The following DBF4B variants were observed in gnomAD, a reference collection of about 807,000 sequenced individuals.
DBF4B encodes the protein DBF4B-CDC7 kinase regulatory subunit.
In DBF4B, 49 loss-of-function variants were observed where a neutral mutation model predicts 53.4. That is an observed-to-expected ratio of 0.92 (90% CI 0.73 to 1.16). The LOEUF is 1.16. Ranked by LOEUF, DBF4B falls within the 50% of genes most tolerant of loss-of-function variation. DBF4B has a pLI of 0.00. For missense variants in DBF4B, 692 were observed against 775.0 expected, an observed-to-expected ratio of 0.89 and a Z score of 1.27; for synonymous variants, 257 against 288.7, an observed-to-expected ratio of 0.89 and a Z score of 1.11.
intron 3 of DBF4B, among the ~76,000 whole-genome samples, 177 bp from the exon 4 acceptor site, chr17:44,729,728 C>CA (rs1190920013): frequency 1.9e-3 from 240 of 126,168 alleles, no homozygotes; most frequent in African/African-American, 6.0e-3. Context: ...ACACACACAC[C>CA]CCATTAGATT....
rs1185470166 is a variant in DBF4B at position 44,708,847 on chromosome 17, T to A, written c.19+8T>A. 2 of 1,550,572 alleles carry A rather than the reference T, an allele frequency of 1.3e-6. No homozygotes were observed. The highest frequency in any genetic ancestry group is 4.9e-5 in the East Asian group (2 of 40,902). On this transcript the variant is annotated splice_region_variant and intron_variant, in intron 1 of 13. Transcript: ENST00000315005. ...TGAGCGAACCGGGAAAGGGTACGGA[T>A]GCCGGGAAGGGGAGAAAGAAAGGCG...
At chr17:44,727,130 T>C (rs934192084) in intron 3 of DBF4B, among the ~76,000 whole-genome samples, 2 of 129,618 alleles carry the variant, frequency 1.5e-5, no homozygotes, top group African/African-American at 5.8e-5. Flanking sequence ...AAACCATATA[T>C]ATATTTAGGC....
chr17:44,742,759 C>T (rs1485639032), intron 10 of DBF4B, among the ~76,000 whole-genome samples: 1 of 152,126 alleles, frequency 6.6e-6, no homozygotes, highest in Non-Finnish European at 1.5e-5. Flanking sequence ...CATTACGTGG[C>T]TCATGGCTTG....
intron 3 of DBF4B, among the ~76,000 whole-genome samples, chr17:44,728,759 G>T (rs1350728180): frequency 6.6e-6 from 1 of 151,724 alleles, no homozygotes; most frequent in Non-Finnish European, 1.5e-5. Flanking sequence ...GGAGGTTGCA[G>T]TGAGCTGAGA....
At chr17:44,741,705 T>C (rs145373807) in intron 10 of DBF4B, among the ~76,000 whole-genome samples, 1 of 152,290 alleles carries the variant, frequency 6.6e-6, no homozygotes, top group East Asian at 1.9e-4. Context: ...CCCTTCTCCT[T>C]AAGGGTCGAA....
chr17:44,750,631 C>T lies in DBF4B; in HGVS notation c.1226C>T (p.Thr409Ile). ...AGGGCTGCGGGCCAGCAGCGATGGA[C>T]AGAATCACTAGATGGTGTGATGGGA... ...QGRAAGQQRWTESLDGVMGPP... is the reference protein window; with the variant it reads ...QGRAAGQQRWIESLDGVMGPP... Residue 409 changes from threonine (T) to isoleucine (I), a missense_variant, in exon 14 of 14, where the codon ACA (threonine) becomes ATA (isoleucine). Physicochemically the swap from Thr to Ile is moderately conservative, Grantham distance 89 (BLOSUM62 -1). Coordinates refer to ENST00000315005, the MANE Select transcript of DBF4B (RefSeq NM_145663.3). The T allele has an allele frequency of 6.2e-7, 1 of 1,613,802 alleles. No individual in the cohort carries two copies. The highest frequency in any genetic ancestry group is 1.1e-5 in the South Asian group (1 of 91,060).
In DBF4B at chr17:44,708,859, GAGAA is replaced by G; in HGVS notation, c.19+27_19+30del. 6.4e-7 allele frequency: 1 copy of G among 1,551,070 alleles called. No homozygotes were observed. The highest frequency in any genetic ancestry group is 8.7e-7 in the Non-Finnish European group (1 of 1,146,800). ...GAAAGGGTACGGATGCCGGGAAGGG[GAGAA>G]AGAAAGGCGGAAGGGGTCGTTAATA... On this transcript the variant is annotated intron_variant, in intron 1 of 13. Transcript: ENST00000315005.
At chr17:44,730,696 G>C (rs904954510) in intron 4 of DBF4B, among the ~76,000 whole-genome samples, 1 of 152,184 alleles carries the variant, frequency 6.6e-6, no homozygotes, top group African/African-American at 2.4e-5. Flanking sequence ...CAGGACATTT[G>C]TAACAATTGG....
chr17:44,711,339 C>T (rs1186412365), intron 2 of DBF4B, among the ~76,000 whole-genome samples: 1 of 151,744 alleles, frequency 6.6e-6, no homozygotes, highest in Non-Finnish European at 1.5e-5. Flanking sequence ...GAGACAAGAA[C>T]TTGCTCTGTT....
chr17:44,729,204 T>G (rs1974603699), intron 3 of DBF4B, among the ~76,000 whole-genome samples: 1 of 150,752 alleles, frequency 6.6e-6, no homozygotes, highest in Non-Finnish European at 1.5e-5. Context: ...CATTTTAGCC[T>G]TTTTTTTTCT....
At chr17:44,711,191 G>C (rs530653537) in intron 2 of DBF4B, among the ~76,000 whole-genome samples, 15 of 151,766 alleles carry the variant, frequency 9.9e-5, no homozygotes, top group African/African-American at 3.4e-4. Context: ...CCACCATGTT[G>C]GTCAGGCTAG....
chr17:44,717,741 G>A (rs563369602), intron 2 of DBF4B, among the ~76,000 whole-genome samples: 92 of 151,430 alleles, frequency 6.1e-4, no homozygotes, highest in African/African-American at 2.2e-3. Flanking sequence ...GGGGCTAGGC[G>A]TGTTGGCTCA....
chr17:44,709,212 T>C, intron 1 of DBF4B, 92 bp from the exon 2 acceptor site: 1 of 1,525,048 alleles, frequency 6.6e-7, no homozygotes, highest in Non-Finnish European at 9.1e-7. Flanking sequence ...GTCGCGTTTC[T>C]GTGCGCGTTT....
chr17:44,730,170 C>A lies in DBF4B; in HGVS notation c.417+74C>A, dbSNP rs1974712614. 4 of 1,465,500 alleles carry A rather than the reference C, an allele frequency of 2.7e-6. No homozygotes were observed. The African/African-American group carries it at 4.3e-5, about 16-fold the overall frequency. The allele number at this position is 1,465,500 out of a possible 1,614,324, so 90.8% of individuals were successfully genotyped here. On this transcript the variant is annotated intron_variant, in intron 4 of 13. Transcript: ENST00000315005. ...GCTTTGGTGAGCCTTTTAAGGCAGTCTCTGGTTTTAATTTCATCTGGATTA... is the reference window on the plus strand; with the variant it reads ...GCTTTGGTGAGCCTTTTAAGGCAGTATCTGGTTTTAATTTCATCTGGATTA...
chr17:44,749,043 G>A lies in DBF4B; in HGVS notation c.1189+578G>A, dbSNP rs550359002. The A allele has an allele frequency of 5.2e-5, 67 of 1,289,808 alleles. 1 individual carries two copies. Among genetic ancestry groups the A allele is most frequent in the South Asian group, 4.7e-4 (38 of 81,036 alleles). 79.9% of individuals were successfully genotyped at this position (1,289,808 alleles called of 1,614,324 possible). A position where few individuals can be genotyped will look rare whatever the true frequency, so the allele number is the denominator to read the frequency against. The stretch of plus-strand genomic sequence containing the variant: ...GTACAGCCACTGGCCCTGTATCCCA[G>A]GAGGCTGGCCAGCTCCTCAGCTGCC... On this transcript the variant is annotated intron_variant, in intron 13 of 13. Transcript: ENST00000315005. The surrounding 1 kb of genome is among the most constrained non-coding windows in gnomAD (Gnocchi z 4.4).
chr17:44,713,898 C>G (rs992988428), intron 2 of DBF4B, among the ~76,000 whole-genome samples: 18 of 151,506 alleles, frequency 1.2e-4, no homozygotes, highest in Non-Finnish European at 5.9e-5. Flanking sequence ...CCGATCTCCC[C>G]TCGTTATTCT....
intron 7 of DBF4B, 145 bp from the exon 8 acceptor site, chr17:44,736,685 T>C: frequency 1.2e-6 from 1 of 816,394 alleles, no homozygotes; most frequent in South Asian, 1.5e-5. Flanking sequence ...CTGCTCCAGC[T>C]CAGGGCCTGA....
At chr17:44,718,446 A>G (rs1973526079) in intron 2 of DBF4B, among the ~76,000 whole-genome samples, 1 of 151,528 alleles carries the variant, frequency 6.6e-6, no homozygotes, top group African/African-American at 2.4e-5. Flanking sequence ...AAAAGGTTAC[A>G]TATTGCCTTT....
Position 44,710,511 on chromosome 17 carries a change from CCTT to C in DBF4B, c.82+1146_82+1148del, listed in dbSNP as rs1972772169. ...ATTCTTGCTGCTTTGTAAGTGACCT[CCTT>C]TTCTCATTAGATGTTTTAGATTATG... On this transcript the variant is annotated intron_variant, in intron 2 of 13. Transcript: ENST00000315005. Among the ~76,000 whole-genome samples, 3 of 152,198 alleles carry C rather than the reference CCTT, an allele frequency of 2.0e-5. No homozygotes were observed. The South Asian group carries it at 6.2e-4, about 32-fold the overall frequency.
Sources: gnomAD v4.1 joint callset for allele counts (sites outside exome capture counted in the v4.1 genomes callset) on GRCh38, gnomAD v4.1.1 for gene constraint, Gnocchi (gnomAD v3.1) non-coding constraint, MANE v1.5 for transcripts, NCBI Gene and HGNC (gene_info 2026-07-23, HGNC 2026-07-21) for gene names.